The following FSIP2 variants were observed in gnomAD, a reference collection of about 807,000 sequenced individuals.
FSIP2 encodes fibrous sheath-interacting protein 2.
FSIP2 carries 367 observed loss-of-function variants against 510.5 expected under a neutral mutation model. The observed-to-expected ratio is 0.72, with a 90% CI of 0.66 to 0.78. FSIP2 has a LOEUF of 0.78. Ranked by LOEUF, FSIP2 falls within the 30% of genes least tolerant of loss-of-function variation. The pLI is 0.00. For missense variants in FSIP2, 7,594 were observed against 7,901.7 expected (o/e 0.96, Z 1.48); for synonymous variants, 2,601 against 2,732.2 (o/e 0.95, Z 1.50).
In FSIP2 at chr2:185,809,714, A is replaced by G. The variant is rs1693685311; in HGVS notation, c.19827+581A>G. ...CTTTCCCATTTGCCCTGGCCTCTCA[A>G]GATGTACCCATTTTCTTTCCACTTA... On this transcript the variant is annotated intron_variant, in intron 17 of 22. Transcript: ENST00000424728. Among the ~76,000 whole-genome samples, 3 of 151,936 alleles carry G rather than the reference A, an allele frequency of 2.0e-5. No homozygotes were observed. In the South Asian group the frequency reaches 6.2e-4, roughly 32 times the overall value.
chr2:185,794,134 G>A lies in FSIP2; in HGVS notation c.6998G>A (p.Arg2333His), dbSNP rs550901813. ...CTTACAGATTTCACTTTTGTTGGTC[G>A]CAGAGAAAAACTTGGATCCACAATT... ...QELTDFTFVGRREKLGSTIHL... is the reference protein window; with the variant it reads ...QELTDFTFVGHREKLGSTIHL... Residue 2333 changes from arginine (R) to histidine (H), a missense_variant, in exon 16 of 23, where the codon CGC becomes CAC. By Grantham distance (29) the Arg-to-His change is conservative. Coordinates refer to ENST00000424728, the MANE Select transcript of FSIP2 (RefSeq NM_173651.4). 3.5e-5 allele frequency: 54 copies of A among 1,531,870 alleles called. No homozygotes were observed. The Middle Eastern group carries it at 5.0e-4, about 14-fold the overall frequency. 94.9% of individuals were successfully genotyped at this position (1,531,870 alleles called of 1,614,324 possible). A position where few individuals can be genotyped will look rare whatever the true frequency, so the allele number is the denominator to read the frequency against.
Position 185,806,827 on chromosome 2 carries a change from G to A in FSIP2, c.17521G>A (p.Asp5841Asn), listed in dbSNP as rs1693593080. 6.2e-7 allele frequency: 1 copy of A among 1,610,284 alleles called. No homozygotes were observed. Among genetic ancestry groups the A allele is most frequent in the Non-Finnish European group, 8.5e-7 (1 of 1,178,386 alleles). Residue 5841 changes from aspartate to asparagine, a missense_variant, in exon 17 of 23, where the codon GAT (aspartate) becomes AAT (asparagine). By Grantham distance (23) the Asp-to-Asn change is conservative (BLOSUM62 1). Coordinates refer to ENST00000424728, the MANE Select transcript of FSIP2 (RefSeq NM_173651.4). Reference protein sequence around the residue: ...LINSLLKEFSDAQIKVFRPDK... With the variant: ...LINSLLKEFSNAQIKVFRPDK... Reference sequence around the variant, plus strand: ...CAATTCACTGTTAAAGGAGTTCTCAGATGCTCAAATTAAGGTTTTCAGGCC... The same window carrying A: ...CAATTCACTGTTAAAGGAGTTCTCAAATGCTCAAATTAAGGTTTTCAGGCC...
At chr2:185,776,930 G>C (rs1328899954) in intron 13 of FSIP2, among the ~76,000 whole-genome samples, 2 of 152,062 alleles carry the variant, frequency 1.3e-5, no homozygotes, top group Non-Finnish European at 2.9e-5. Context: ...CGCCATGTTG[G>C]TCAGGCTGGT....
rs115026178 is a variant in FSIP2, at chr2:185,786,171, T to A, written c.1470-81T>A. The A allele has an allele frequency of 1.4e-3, 1,247 of 881,608 alleles. 11 individuals carry two copies. In the African/African-American group the frequency reaches 0.019, roughly 14 times the overall value. The allele number at this position is 881,608 out of a possible 1,614,324, so 54.6% of individuals were successfully genotyped here. A position where few individuals can be genotyped will look rare whatever the true frequency, so the allele number is the denominator to read the frequency against. The stretch of plus-strand genomic sequence containing the variant: ...AAAATCTTAGATACAACAAAATGAT[T>A]TCAATAATTAGAAATTTTGGGAAAA... On this transcript the variant is annotated intron_variant, in intron 14 of 22. Transcript: ENST00000424728.
chr2:185,791,144 T>C lies in FSIP2; in HGVS notation c.4008T>C (p.Asn1336=). The change falls in exon 16 of 23, where the codon AAT becomes AAC. Residue 1336 remains asparagine (N), a synonymous_variant. Transcript: ENST00000424728. The part of the protein sequence containing the change: ...KSLTDKGFFA[N]TDKKLESLVT... ...TTACAGATAAAGGATTTTTTGCTAA[T>C]ACTGATAAAAAATTAGAATCTCTTG... The C allele has an allele frequency of 1.3e-6, 2 of 1,533,494 alleles. No homozygotes were observed. The highest frequency in any genetic ancestry group is 1.2e-5 in the South Asian group (1 of 83,932). 95.0% of individuals were successfully genotyped at this position (1,533,494 alleles called of 1,614,324 possible). A position where few individuals can be genotyped will look rare whatever the true frequency, so the allele number is the denominator to read the frequency against.
chr2:185,822,417 C>T (rs145018400), intron 19 of FSIP2, among the ~76,000 whole-genome samples: 153 of 152,044 alleles, frequency 1.0e-3, no homozygotes, highest in African/African-American at 3.4e-3. Flanking sequence ...TGTATAATTA[C>T]ACTGAACAAT....
rs1693784625 is a variant in FSIP2, at chr2:185,813,868, A to G, written c.20151A>G (p.Lys6717=). Residue 6717 remains lysine, a synonymous_variant, in exon 18 of 23, where the codon AAA becomes AAG. Coordinates refer to ENST00000424728, the MANE Select transcript of FSIP2 (RefSeq NM_173651.4). ...TGAAAAAATTTTTGTCACTAAGTAA[A>G]TGTTGTCAGACCACAGCCAGTGCAA... The part of the protein sequence containing the change: ...SSLKKFLSLS[K]CCQTTASANI... The G allele has an allele frequency of 5.6e-6, 9 of 1,613,712 alleles. No homozygotes were observed. In the East Asian group the frequency reaches 2.0e-4, roughly 36 times the overall value.
At chr2:185,780,086 ATTGTT>A (rs1332256883) in intron 13 of FSIP2, among the ~76,000 whole-genome samples, 1 of 151,800 alleles carries the variant, frequency 6.6e-6, no homozygotes, top group Non-Finnish European at 1.5e-5. Context: ...AAAAAAAAAA[ATTGTT>A]TTGTTTAATT....
chr2:185,807,674 G>T lies in FSIP2; in HGVS notation c.18368G>T (p.Arg6123Leu). Residue 6123 changes from arginine to leucine, a missense_variant, in exon 17 of 23, where the codon CGA (arginine) becomes CTA (leucine). By Grantham distance (102) the Arg-to-Leu change is moderately radical. Transcript: ENST00000424728. ...LSENIVDLVL[R>L]EVASNQLQSY... ...GAAAACATAGTTGACTTGGTTCTAC[G>T]AGAAGTGGCTAGCAATCAGCTGCAG... The T allele has an allele frequency of 6.2e-7, 1 of 1,612,836 alleles. No homozygotes were observed. Among genetic ancestry groups the T allele is most frequent in the Non-Finnish European group, 8.5e-7 (1 of 1,179,228 alleles).
At chr2:185,776,601 G>C (rs924444527) in intron 13 of FSIP2, among the ~76,000 whole-genome samples, 1 of 152,010 alleles carries the variant, frequency 6.6e-6, no homozygotes, top group South Asian at 2.1e-4. Flanking sequence ...GCATCAAAAA[G>C]CATAGGCTTT....
chr2:185,738,513 T>C (rs1433197327), upstream of FSIP2: 2 of 1,224,952 alleles, frequency 1.6e-6, no homozygotes, highest in African/African-American at 1.5e-5. Context: ...ACTCGGGAAT[T>C]TTTATTGAAC....
rs1308220528 is a variant in FSIP2, at chr2:185,738,829, G to A, written c.-66G>A. On this transcript the variant is annotated 5_prime_UTR_variant, in exon 1 of 23. Transcript: ENST00000424728. ...ATTCCTGGTCAGGTCCGGACAGAGG[G>A]ACAACGGGGTGCTAGAGAAGGAGAG... The A allele has an allele frequency of 6.5e-7, 1 of 1,535,898 alleles. No individual in the cohort carries two copies. The highest frequency in any genetic ancestry group is 2.0e-5 in the Admixed American group (1 of 51,000).
At position 185,793,801 on chromosome 2, in the gene FSIP2, C is replaced by T; in HGVS notation, c.6665C>T (p.Ser2222Leu). 6.5e-7 allele frequency: 1 copy of T among 1,532,396 alleles called. No homozygotes were observed. The allele number at this position is 1,532,396 out of a possible 1,614,324, so 94.9% of individuals were successfully genotyped here. A position where few individuals can be genotyped will look rare whatever the true frequency, so the allele number is the denominator to read the frequency against. ...TTTTCATATTCAAGAAATCAGAAAT[C>T]AGCTTATGCTGATGATAATCAGATA... is the stretch of plus-strand genomic sequence containing the variant. Reference protein sequence around the residue: ...ERFSYSRNQKSAYADDNQITV... With the variant: ...ERFSYSRNQKLAYADDNQITV... Residue 2222 changes from serine (S) to leucine (L), a missense_variant, in exon 16 of 23, where the codon TCA (serine) becomes TTA (leucine). Transcript: ENST00000424728.
At chr2:185,798,181 T>C (rs984540268) in intron 16 of FSIP2, among the ~76,000 whole-genome samples, 1 of 151,938 alleles carries the variant, frequency 6.6e-6, no homozygotes, top group African/African-American at 2.4e-5. Context: ...TTCTTATGCA[T>C]AACTTCTTTA....
At chr2:185,819,746 G>T (rs532218243) in intron 19 of FSIP2, among the ~76,000 whole-genome samples, 146 of 151,956 alleles carry the variant, frequency 9.6e-4, no homozygotes, top group Non-Finnish European at 1.6e-3. Context: ...TTGCCAAACT[G>T]TAGGCTAGTG....
At chr2:185,752,544 T>C (rs1161864724) in intron 7 of FSIP2, among the ~76,000 whole-genome samples, 2 of 151,344 alleles carry the variant, frequency 1.3e-5, no homozygotes, top group Non-Finnish European at 3.0e-5. Flanking sequence ...TCAGGCATAT[T>C]AGGCTGCTTG....
chr2:185,739,054 G>A, intron 1 of FSIP2, 61 bp downstream of exon 1: 1 of 1,488,490 alleles, frequency 6.7e-7, no homozygotes, highest in South Asian at 1.3e-5. Flanking sequence ...CTGGGGAGCG[G>A]GGCAGGGATC....
chr2:185,828,131 A>G, intron 20 of FSIP2, 25 bp from the exon 21 acceptor site: 1 of 1,293,520 alleles, frequency 7.7e-7, no homozygotes, highest in South Asian at 1.2e-5. Flanking sequence ...AGACTATTTT[A>G]CTTTTTTTTT....
chr2:185,830,490 G>A (rs567277713), intron 21 of FSIP2, among the ~76,000 whole-genome samples: 1 of 151,750 alleles, frequency 6.6e-6, no homozygotes, highest in East Asian at 2.0e-4. Context: ...CAAAATTCAG[G>A]GGTGCTCAAG....
Sources: gnomAD v4.1 joint callset for allele counts (sites outside exome capture counted in the v4.1 genomes callset) on GRCh38, gnomAD v4.1.1 for gene constraint, MANE v1.5 for transcripts, NCBI Gene and HGNC (gene_info 2026-07-23, HGNC 2026-07-21) for gene names.